The following CHODL variants were observed in gnomAD, a reference collection of about 807,000 sequenced individuals.
CHODL encodes the protein transmembrane protein MT75.
In CHODL, 29 loss-of-function variants were observed where a neutral mutation model predicts 34.5. The ratio of observed to expected loss-of-function variants is 0.84; its 90% CI spans 0.63 to 1.15. CHODL has a LOEUF of 1.15. Among genes scored for constraint, CHODL ranks in the 50% most tolerant of loss-of-function variants. The pLI, the probability that CHODL is intolerant of heterozygous loss-of-function variation, is 0.00. For missense variants in CHODL, 332 were observed against 332.5 expected, an observed-to-expected ratio of 1.00 and a Z score of 0.01; for synonymous variants, 125 against 116.1, an observed-to-expected ratio of 1.08 and a Z score of -0.49.
At chr21:18,080,509 A>G (rs1458839291) in intron 2 of CHODL, among the ~76,000 whole-genome samples, 1 of 152,124 alleles carries the variant, frequency 6.6e-6, no homozygotes, top group Admixed American at 6.5e-5. Context: ...ATTTTTGTAT[A>G]TGGTGAGAGG....
intron 2 of CHODL, among the ~76,000 whole-genome samples, chr21:18,141,230 A>G (rs1231101240): frequency 6.6e-6 from 1 of 152,126 alleles, no homozygotes; most frequent in Non-Finnish European, 1.5e-5. Context: ...AACTTACTGA[A>G]GGTTTATATG....
At chr21:17,962,941 G>C (rs1477740073) in intron 1 of CHODL, among the ~76,000 whole-genome samples, 5 of 151,964 alleles carry the variant, frequency 3.3e-5, no homozygotes, top group African/African-American at 1.2e-4. Flanking sequence ...GCGGGCACCT[G>C]TAGTCCCAGC....
chr21:18,189,416 G>T (rs78351240), intron 2 of CHODL, among the ~76,000 whole-genome samples: 13 of 152,148 alleles, frequency 8.5e-5, no homozygotes, highest in African/African-American at 2.4e-4. Flanking sequence ...AATTTCACTG[G>T]TGGCCTTTCA....
intron 2 of CHODL, among the ~76,000 whole-genome samples, chr21:18,177,596 G>T (rs2073331504): frequency 6.6e-6 from 1 of 152,092 alleles, no homozygotes; most frequent in South Asian, 2.1e-4. Context: ...GAAATGCACA[G>T]ATACTTCATA....
chr21:18,152,905 A>G (rs1266503823), intron 2 of CHODL, among the ~76,000 whole-genome samples: 1 of 152,210 alleles, frequency 6.6e-6, no homozygotes, highest in Non-Finnish European at 1.5e-5. Context: ...AGGAATAGCC[A>G]CCATCATCAG....
intron 2 of CHODL, among the ~76,000 whole-genome samples, chr21:18,121,304 G>A (rs28697908): frequency 0.13 from 19,267 of 152,058 alleles, 1,709 homozygotes; most frequent in African/African-American, 0.24. Flanking sequence ...AGAAAATCAC[G>A]AAACAACCTC....
chr21:18,097,169 G>A (rs1482644586), intron 2 of CHODL, among the ~76,000 whole-genome samples: 3 of 152,132 alleles, frequency 2.0e-5, no homozygotes, highest in Non-Finnish European at 4.4e-5. Flanking sequence ...AACATGACAA[G>A]GATGCCTTCT....
intron 1 of CHODL, among the ~76,000 whole-genome samples, chr21:18,016,954 T>G (rs1383057921): frequency 6.6e-6 from 1 of 152,258 alleles, no homozygotes; most frequent in East Asian, 1.9e-4. Context: ...CCCCATTGTT[T>G]TGGCCAATTT....
intron 2 of CHODL, among the ~76,000 whole-genome samples, chr21:18,177,228 T>C (rs1394074013): frequency 6.6e-6 from 1 of 152,060 alleles, no homozygotes; most frequent in Non-Finnish European, 1.5e-5. Flanking sequence ...AAATATATTA[T>C]GGTAAATCCT....
chr21:18,016,559 T>TAG (rs148396013), intron 1 of CHODL, among the ~76,000 whole-genome samples: 5,422 of 152,234 alleles, frequency 0.036, 265 homozygotes, highest in African/African-American at 0.11. Flanking sequence ...CCTGCAGGGG[T>TAG]AGAGCCCTCA....
Position 17,963,070 on chromosome 21 carries a change from A to AT in CHODL, c.-145+45670_-145+45671insT, listed in dbSNP as rs1555843174. On this transcript the variant is annotated intron_variant, in intron 1 of 6. Coordinates refer to the CHODL transcript ENST00000400127. ...AAGAGCGAGACTATGTCTCAAAAAA[A>AT]AAAAATAATAATAATAATAATAATA... 9.0e-5 allele frequency among the ~76,000 whole-genome samples: 6 copies of AT among 66,850 alleles called. 1 individual carries two copies. The highest frequency in any genetic ancestry group is 3.4e-4 in the Admixed American group (2 of 5,848). The allele number at this position is 66,850 out of a possible 152,430, so 43.9% of individuals were successfully genotyped here. A position where few individuals can be genotyped will look rare whatever the true frequency, so the allele number is the denominator to read the frequency against.
intron 2 of CHODL, among the ~76,000 whole-genome samples, chr21:18,065,633 A>G (rs2064722803): frequency 6.6e-6 from 1 of 152,216 alleles, no homozygotes; most frequent in African/African-American, 2.4e-5. Flanking sequence ...CAGACAGAGC[A>G]TCATCATATT....
intron 2 of CHODL, among the ~76,000 whole-genome samples, chr21:18,144,449 A>G (rs2072841343): frequency 6.6e-6 from 1 of 152,112 alleles, no homozygotes; most frequent in African/African-American, 2.4e-5. Context: ...GGCCTCATTT[A>G]CATGAAAGTT....
intron 2 of CHODL, among the ~76,000 whole-genome samples, chr21:18,220,517 A>C (rs559860111): frequency 2.0e-5 from 3 of 152,200 alleles, no homozygotes; most frequent in Admixed American, 2.0e-4. Flanking sequence ...TTATACTTAC[A>C]TGTATTTTAC....
At chr21:18,126,734 A>G (rs1304669140) in intron 2 of CHODL, among the ~76,000 whole-genome samples, 1 of 152,234 alleles carries the variant, frequency 6.6e-6, no homozygotes, top group Non-Finnish European at 1.5e-5. Flanking sequence ...GGCATTTAAA[A>G]AATCTTTCAT....
At chr21:18,196,030 G>A (rs887289902) in intron 2 of CHODL, among the ~76,000 whole-genome samples, 8 of 152,010 alleles carry the variant, frequency 5.3e-5, no homozygotes, top group Admixed American at 1.3e-4. Flanking sequence ...TAGTTTCCTC[G>A]TGTGTAATAT....
chr21:17,992,108 G>A (rs1174539491), intron 1 of CHODL, among the ~76,000 whole-genome samples: 1 of 151,994 alleles, frequency 6.6e-6, no homozygotes, highest in Non-Finnish European at 1.5e-5. Flanking sequence ...TGTTCTTGGT[G>A]CCTTTGTTGA....
At chr21:18,132,975 T>A (rs963979615) in intron 2 of CHODL, among the ~76,000 whole-genome samples, 1 of 152,152 alleles carries the variant, frequency 6.6e-6, no homozygotes, top group African/African-American at 2.4e-5. Flanking sequence ...CTCGAGTCTT[T>A]GAAAGCCTAA....
At chr21:17,993,520 C>G (rs1004779023) in intron 1 of CHODL, among the ~76,000 whole-genome samples, 1 of 152,150 alleles carries the variant, frequency 6.6e-6, no homozygotes, top group African/African-American at 2.4e-5. Context: ...CCTCCAGTGC[C>G]ATCATGTTCC....
Sources: gnomAD v4.1 joint callset for allele counts (sites outside exome capture counted in the v4.1 genomes callset) on GRCh38, gnomAD v4.1.1 for gene constraint, MANE v1.5 for transcripts, NCBI Gene and HGNC (gene_info 2026-07-23, HGNC 2026-07-21) for gene names.